Variants in GLG1 observed in about 807,000 individuals in gnomAD.
GLG1 encodes the protein golgi glycoprotein 1.
In GLG1, 38 loss-of-function variants were observed where a neutral mutation model predicts 160.5. The ratio of observed to expected loss-of-function variants is 0.24; its 90% confidence interval spans 0.18 to 0.31. GLG1 has a LOEUF of 0.31. Among genes scored for constraint, GLG1 ranks in the 10% least tolerant of loss-of-function variants. GLG1 has a pLI of 1.00. For missense variants in GLG1, 1,373 were observed against 1,505.2 expected (o/e 0.91, Z 1.45); for synonymous variants, 644 against 543.4 (o/e 1.19, Z -2.57).
chr16:74,462,343 G>T, intron 21 of GLG1, 145 bp downstream of exon 21: 2 of 832,384 alleles, frequency 2.4e-6, no homozygotes, highest in Non-Finnish European at 3.9e-6. Flanking sequence ...GCCTGCTTTT[G>T]ATCTGGCCCC....
chr16:74,510,470 G>T (rs941035915), intron 2 of GLG1, among the ~76,000 whole-genome samples: 1 of 152,104 alleles, frequency 6.6e-6, no homozygotes, highest in Non-Finnish European at 1.5e-5. Flanking sequence ...TCCAATTTCT[G>T]AAACTAAGCA....
chr16:74,547,108 G>A (rs556326992), intron 1 of GLG1, among the ~76,000 whole-genome samples: 44 of 152,000 alleles, frequency 2.9e-4, no homozygotes, highest in African/African-American at 1.1e-3. Context: ...TCATTTTGGG[G>A]CCATAACAAA....
chr16:74,460,821 GA>G (rs1235947311), intron 22 of GLG1, among the ~76,000 whole-genome samples: 4 of 152,214 alleles, frequency 2.6e-5, no homozygotes, highest in African/African-American at 9.7e-5. Flanking sequence ...GCTGCTACTT[GA>G]TTCCACAGGA....
intron 2 of GLG1, among the ~76,000 whole-genome samples, chr16:74,527,736 A>T (rs2017385226): frequency 6.6e-6 from 1 of 151,138 alleles, no homozygotes; most frequent in African/African-American, 2.4e-5. Context: ...CACCTATTTT[A>T]TTTTTTTTGA....
At chr16:74,507,357 G>C (rs146363539) in intron 3 of GLG1, among the ~76,000 whole-genome samples, 332 of 152,136 alleles carry the variant, frequency 2.2e-3, no homozygotes, top group African/African-American at 7.5e-3. Flanking sequence ...AATCAAACTG[G>C]TATGTATTTA....
intron 1 of GLG1, among the ~76,000 whole-genome samples, chr16:74,549,964 A>G (rs1473783717): frequency 6.6e-6 from 1 of 152,220 alleles, no homozygotes; most frequent in Non-Finnish European, 1.5e-5. Context: ...AAAGAAAAAA[A>G]AAAGTTAGCC....
intron 21 of GLG1, 22 bp from the exon 22 acceptor site, chr16:74,462,217 T>C (rs762013104): frequency 3.9e-5 from 49 of 1,257,778 alleles, no homozygotes; most frequent in Non-Finnish European, 5.1e-5. Flanking sequence ...AAAGGGAGGA[T>C]ACATGGGCTG....
At chr16:74,501,990 C>T (rs1350268764) in intron 4 of GLG1, among the ~76,000 whole-genome samples, 1 of 152,210 alleles carries the variant, frequency 6.6e-6, no homozygotes, top group East Asian at 1.9e-4. Flanking sequence ...GGCATCAGGG[C>T]TTTGGTGACA....
intron 11 of GLG1, among the ~76,000 whole-genome samples, chr16:74,478,667 T>C (rs1238723561): frequency 6.6e-6 from 1 of 151,982 alleles, no homozygotes; most frequent in Non-Finnish European, 1.5e-5. Flanking sequence ...ATCCCAGCTC[T>C]TTGGGAGGCT....
intron 10 of GLG1, 42 bp downstream of exon 10, chr16:74,482,981 G>A: frequency 1.0e-6 from 1 of 988,050 alleles, no homozygotes; most frequent in Non-Finnish European, 1.6e-6. Flanking sequence ...CACAGGAGAA[G>A]AGGCTGAGGC....
In GLG1 at chr16:74,496,505, T is replaced by A; in HGVS notation, c.914A>T (p.Asp305Val). ...ILRVAELSSDDFHLDRHLYFA... is the reference protein window; with the variant it reads ...ILRVAELSSDVFHLDRHLYFA... ...ATATAAATGCCGGTCTAAGTGAAAG[T>A]CATCCGATGACAGCTCAGCCACCCG... The change falls in exon 5 of 26, where the codon GAC becomes GTC. Residue 305 changes from aspartate to valine, a missense_variant. By Grantham distance (152) the Asp-to-Val change is radical. Coordinates refer to ENST00000422840, the MANE Select transcript of GLG1 (RefSeq NM_001145667.2). 1 of 1,614,016 alleles carries A rather than the reference T, an allele frequency of 6.2e-7. No homozygotes were observed. Among genetic ancestry groups the A allele is most frequent in the Non-Finnish European group, 8.5e-7 (1 of 1,179,942 alleles).
intron 1 of GLG1, among the ~76,000 whole-genome samples, chr16:74,574,039 C>A (rs551152908): frequency 1.3e-5 from 2 of 152,264 alleles, no homozygotes; most frequent in South Asian, 4.1e-4. Flanking sequence ...TGATTCTCCA[C>A]GGAAGTAAGC....
chr16:74,477,560 C>T (rs770601562), intron 11 of GLG1, 27 bp from the exon 12 acceptor site: 1 of 1,592,204 alleles, frequency 6.3e-7, no homozygotes, highest in South Asian at 1.1e-5. Flanking sequence ...GAGCTAAATA[C>T]TTGAAAGGTA....
At chr16:74,598,306 G>C (rs1241716946) in intron 1 of GLG1, among the ~76,000 whole-genome samples, 1 of 151,724 alleles carries the variant, frequency 6.6e-6, no homozygotes, top group Admixed American at 6.6e-5. Flanking sequence ...CGGATCACGA[G>C]GTCAAGAGAT....
chr16:74,455,467 C>T (rs906959870), intron 25 of GLG1, among the ~76,000 whole-genome samples: 1 of 152,202 alleles, frequency 6.6e-6, no homozygotes, highest in African/African-American at 2.4e-5. Flanking sequence ...AGTAACGCAG[C>T]ATCTCCTGCT....
intron 20 of GLG1, 79 bp from the exon 21 acceptor site, chr16:74,462,709 G>A (rs766840014): frequency 7.6e-7 from 1 of 1,311,578 alleles, no homozygotes. Flanking sequence ...TTCCTAAAGG[G>A]AGCATATTAT....
intron 1 of GLG1, among the ~76,000 whole-genome samples, chr16:74,589,104 A>T (rs1458536455): frequency 2.0e-5 from 3 of 151,632 alleles, no homozygotes; most frequent in Admixed American, 6.6e-5. Context: ...AACAACAAAA[A>T]ATTAGACGGG....
In GLG1 at chr16:74,467,708, T is replaced by C. The variant is rs188089144; in HGVS notation, c.2529+48A>G. 5.7e-4 allele frequency: 688 copies of C among 1,211,408 alleles called. 6 individuals are homozygous for C. In the African/African-American group the frequency reaches 9.1e-3, roughly 16 times the overall value. 75.0% of individuals were successfully genotyped at this position (1,211,408 alleles called of 1,614,324 possible). On this transcript the variant is annotated intron_variant, in intron 18 of 25. Coordinates refer to ENST00000422840, the MANE Select transcript of GLG1 (RefSeq NM_001145667.2). ...CTAGCTTTTGAGAAAACATTAAATATTACCTTCACATTACTTTTACAATTA... is the reference window on the plus strand; with the variant it reads ...CTAGCTTTTGAGAAAACATTAAATACTACCTTCACATTACTTTTACAATTA...
At chr16:74,457,066 G>A (rs980371200) in intron 24 of GLG1, among the ~76,000 whole-genome samples, 8 of 152,208 alleles carry the variant, frequency 5.3e-5, no homozygotes, top group Non-Finnish European at 1.2e-4. Flanking sequence ...ACGACTTTGA[G>A]ACTACATTAT....
Sources: allele counts gnomAD v4.1 joint callset (sites outside exome capture counted in the v4.1 genomes callset), GRCh38; gene constraint gnomAD v4.1.1; transcripts MANE v1.5; gene names NCBI Gene and HGNC (gene_info 2026-07-23, HGNC 2026-07-21).